Variants in GSK3B observed in about 807,000 individuals in gnomAD.
GSK3B encodes glycogen synthase kinase 3 beta.
GSK3B carries 15 observed loss-of-function variants against 56.4 expected under a neutral mutation model. The ratio of observed to expected loss-of-function variants is 0.27; its 90% CI spans 0.18 to 0.41. The LOEUF is 0.41. Among genes scored for constraint, GSK3B ranks in the 10% least tolerant of loss-of-function variants. The pLI is 1.00. For missense variants in GSK3B, 300 were observed against 513.4 expected, an observed-to-expected ratio of 0.58 and a Z score of 4.02; for synonymous variants, 181 against 188.9, an observed-to-expected ratio of 0.96 and a Z score of 0.34.
chr3:119,917,913 A>C (rs1357054833), intron 4 of GSK3B, among the ~76,000 whole-genome samples: 1 of 152,114 alleles, frequency 6.6e-6, no homozygotes, highest in Non-Finnish European at 1.5e-5. Context: ...GAACAGAAAA[A>C]CAACTTATCA....
At chr3:119,840,679 C>G (rs1156415468) in intron 10 of GSK3B, among the ~76,000 whole-genome samples, 1 of 152,158 alleles carries the variant, frequency 6.6e-6, no homozygotes, top group Non-Finnish European at 1.5e-5. Flanking sequence ...TGTTTGGTGA[C>G]ATACTTGGGC....
chr3:119,871,681 G>C (rs971688117), intron 8 of GSK3B, among the ~76,000 whole-genome samples: 10 of 152,066 alleles, frequency 6.6e-5, no homozygotes, highest in East Asian at 1.9e-4. Context: ...ACAGTGGAAG[G>C]GGGAGTAGAG....
intron 1 of GSK3B, among the ~76,000 whole-genome samples, chr3:120,068,631 C>G (rs1041274342): frequency 1.3e-5 from 2 of 151,568 alleles, no homozygotes; most frequent in Middle Eastern, 6.8e-3. Context: ...ATCCGGGAGG[C>G]GGAGGTTGCA....
At chr3:119,856,787 G>C (rs896293179) in intron 9 of GSK3B, among the ~76,000 whole-genome samples, 2 of 152,112 alleles carry the variant, frequency 1.3e-5, no homozygotes, top group African/African-American at 4.8e-5. Flanking sequence ...CACATCAAGA[G>C]TTCCTATCCT....
chr3:119,963,555 T>C (rs1272103009), intron 2 of GSK3B, among the ~76,000 whole-genome samples: 2 of 145,534 alleles, frequency 1.4e-5, no homozygotes, highest in East Asian at 4.0e-4. Context: ...GAGGCAGAGA[T>C]TGCAGTGAGC....
At chr3:120,085,272 A>AT (rs1484069188) in intron 1 of GSK3B, among the ~76,000 whole-genome samples, 1 of 152,196 alleles carries the variant, frequency 6.6e-6, no homozygotes, top group Non-Finnish European at 1.5e-5. Context: ...ACATGTAATT[A>AT]TATCTTATTA....
intron 1 of GSK3B, among the ~76,000 whole-genome samples, chr3:120,072,605 C>A (rs1203902237): frequency 6.6e-6 from 1 of 152,108 alleles, no homozygotes; most frequent in Non-Finnish European, 1.5e-5. Flanking sequence ...TAATTATCTT[C>A]AAACACTATA....
At chr3:120,054,229 C>CCT (rs1049949553) in intron 1 of GSK3B, among the ~76,000 whole-genome samples, 1 of 151,894 alleles carries the variant, frequency 6.6e-6, no homozygotes, top group African/African-American at 2.4e-5. Flanking sequence ...CTCATTCCCT[C>CCT]CTCTCTCTCC....
intron 2 of GSK3B, among the ~76,000 whole-genome samples, chr3:119,960,329 G>T (rs1041762335): frequency 6.6e-6 from 1 of 151,964 alleles, no homozygotes; most frequent in Admixed American, 6.6e-5. Flanking sequence ...AGTCAATGTG[G>T]TTATAAAAGG....
At chr3:120,044,563 T>C (rs191934600) in intron 1 of GSK3B, among the ~76,000 whole-genome samples, 15 of 152,180 alleles carry the variant, frequency 9.9e-5, no homozygotes, top group East Asian at 7.7e-4. Flanking sequence ...TTAGACGCAA[T>C]TGGAATCTCA....
intron 2 of GSK3B, among the ~76,000 whole-genome samples, chr3:119,983,762 G>A (rs1423269363): frequency 6.6e-6 from 1 of 152,142 alleles, no homozygotes; most frequent in Non-Finnish European, 1.5e-5. Context: ...AATAATGGGA[G>A]ACTTTAACAC....
At chr3:119,885,367 A>G (rs2056424782) in intron 7 of GSK3B, among the ~76,000 whole-genome samples, 1 of 152,190 alleles carries the variant, frequency 6.6e-6, no homozygotes, top group South Asian at 2.1e-4. Context: ...AAGAGAAATC[A>G]CAGATGACAC....
In GSK3B at chr3:119,976,941, A is replaced by G. The variant is rs754600660; in HGVS notation, c.282+25105T>C. ...AAAAGTGAGAAAACTTAAAAAGCAC[A>G]TTATGCCTTATATCAAGTTTTATTT... On this transcript the variant is annotated intron_variant, in intron 2 of 10. Transcript: ENST00000264235. 2.6e-4 allele frequency among the ~76,000 whole-genome samples: 39 copies of G among 152,118 alleles called. 1 individual carries two copies. Among genetic ancestry groups the G allele is most frequent in the Admixed American group, 2.1e-3 (32 of 15,262 alleles).
intron 8 of GSK3B, among the ~76,000 whole-genome samples, chr3:119,872,135 C>A (rs1351595195): frequency 6.6e-6 from 1 of 152,110 alleles, no homozygotes; most frequent in East Asian, 1.9e-4. Flanking sequence ...CCCTAATCAA[C>A]CCTAACTAGA....
At chr3:119,851,413 C>T (rs905360809) in intron 9 of GSK3B, among the ~76,000 whole-genome samples, 6 of 152,072 alleles carry the variant, frequency 3.9e-5, no homozygotes, top group African/African-American at 9.7e-5. Context: ...TACAAGATCC[C>T]CAAATTCATT....
intron 1 of GSK3B, among the ~76,000 whole-genome samples, chr3:120,031,068 G>A (rs2057971624): frequency 6.6e-6 from 1 of 152,182 alleles, no homozygotes; most frequent in African/African-American, 2.4e-5. Context: ...AAGTCTTACT[G>A]TAAAAGAGTA....
At chr3:119,982,254 G>A (rs1359117614) in intron 2 of GSK3B, among the ~76,000 whole-genome samples, 1 of 152,178 alleles carries the variant, frequency 6.6e-6, no homozygotes, top group Non-Finnish European at 1.5e-5. Context: ...ACAAAGATGA[G>A]GAGAACCAGA....
At chr3:119,959,217 C>G (rs1179063682) in intron 2 of GSK3B, among the ~76,000 whole-genome samples, 2 of 152,174 alleles carry the variant, frequency 1.3e-5, no homozygotes, top group Admixed American at 6.5e-5. Context: ...CCTCTTTCAG[C>G]TGCCTCTATC....
intron 3 of GSK3B, among the ~76,000 whole-genome samples, chr3:119,945,670 A>G (rs939545338): frequency 3.3e-5 from 5 of 152,222 alleles, no homozygotes; most frequent in African/African-American, 1.2e-4. Context: ...GAGTTAAATG[A>G]GTTAATATTT....
Sources: allele counts gnomAD v4.1 joint callset (sites outside exome capture counted in the v4.1 genomes callset), GRCh38; gene constraint gnomAD v4.1.1; transcripts MANE v1.5; gene names NCBI Gene and HGNC (gene_info 2026-07-23, HGNC 2026-07-21).